ACER3: variants seen among roughly 807,000 people sequenced by gnomAD.
The protein encoded by ACER3 is alkaline ceramidase 3, also known as alkCDase 3.
A neutral mutation model predicts 48.9 loss-of-function variants in ACER3; 16 were observed. The observed-to-expected ratio is 0.33, with a 90% confidence interval of 0.22 to 0.50. The LOEUF (loss-of-function observed/expected upper bound fraction) is 0.50, where lower values mean the gene tolerates loss of function less well. Among genes scored for constraint, ACER3 ranks in the 20% least tolerant of loss-of-function variants. The pLI, the probability that ACER3 is intolerant of heterozygous loss-of-function variation, is 0.98. For synonymous variants in ACER3, 109 were observed against 107.8 expected (o/e 1.01, Z -0.07); for missense variants, 227 against 326.0 (o/e 0.70, Z 2.34).
chr11:76,894,812 G>A (rs1945889630), intron 1 of ACER3, among the ~76,000 whole-genome samples: 3 of 152,144 alleles, frequency 2.0e-5, no homozygotes, highest in African/African-American at 7.2e-5. Context: ...TATAACAAAA[G>A]AAGGAAGAGG....
chr11:77,020,476 G>C lies in ACER3; in HGVS notation c.*149G>C. ...TGACTAATGCTGCCACCCACACAGAGAATAAGGAGTAGGGCCTGCTGGGTG... is the reference window on the plus strand; with the variant it reads ...TGACTAATGCTGCCACCCACACAGACAATAAGGAGTAGGGCCTGCTGGGTG... On this transcript the variant is annotated 3_prime_UTR_variant, in exon 11 of 11. Transcript: ENST00000532485. 1.2e-6 allele frequency: 1 copy of C among 821,234 alleles called. No homozygotes were observed. The highest frequency in any genetic ancestry group is 2.8e-5 in the East Asian group (1 of 36,190). The allele number at this position is 821,234 out of a possible 1,614,324, so 50.9% of individuals were successfully genotyped here.
intron 5 of ACER3, among the ~76,000 whole-genome samples, chr11:76,989,756 A>G (rs1948760002): frequency 6.6e-6 from 1 of 152,224 alleles, no homozygotes; most frequent in African/African-American, 2.4e-5. Flanking sequence ...ACTTTGTCTT[A>G]CAAGTGATGA....
intron 3 of ACER3, among the ~76,000 whole-genome samples, chr11:76,969,111 A>G (rs1402879698): frequency 6.6e-6 from 1 of 152,084 alleles, no homozygotes; most frequent in Non-Finnish European, 1.5e-5. Context: ...AAAACAAACA[A>G]CTCCATCAAA....
At chr11:76,899,219 TCAG>T (rs1490742112) in intron 1 of ACER3, among the ~76,000 whole-genome samples, 1 of 152,204 alleles carries the variant, frequency 6.6e-6, no homozygotes, top group Admixed American at 6.5e-5. Flanking sequence ...CTGGTATGTG[TCAG>T]CCACCATACT....
intron 2 of ACER3, among the ~76,000 whole-genome samples, chr11:76,938,706 A>C (rs1947259446): frequency 6.6e-6 from 1 of 152,242 alleles, no homozygotes; most frequent in Non-Finnish European, 1.5e-5. Context: ...AGGCAAGGAA[A>C]AAACCCTGTG....
At chr11:76,937,507 A>G (rs1254553810) in intron 2 of ACER3, among the ~76,000 whole-genome samples, 4 of 152,252 alleles carry the variant, frequency 2.6e-5, no homozygotes, top group African/African-American at 7.2e-5. Flanking sequence ...CATCACAAGT[A>G]CTATGAAGAT....
intron 4 of ACER3, among the ~76,000 whole-genome samples, chr11:76,985,336 C>T (rs1948666076): frequency 6.6e-6 from 1 of 152,172 alleles, no homozygotes; most frequent in Admixed American, 6.5e-5. Context: ...ATCCTGCACT[C>T]AAGTGATCCT....
intron 1 of ACER3, among the ~76,000 whole-genome samples, chr11:76,861,899 C>T (rs1266042754): frequency 6.6e-6 from 1 of 152,312 alleles, no homozygotes; most frequent in African/African-American, 2.4e-5. Context: ...TTAGCGGCTG[C>T]TCTGTCAGGC....
Position 76,965,572 on chromosome 11 carries a change from C to T in ACER3, c.267+6541C>T, listed in dbSNP as rs545190991. Among the ~76,000 whole-genome samples, 2 of 151,442 alleles carry T rather than the reference C, an allele frequency of 1.3e-5. 1 individual carries two copies. Among genetic ancestry groups the T allele is most frequent in the African/African-American group, 4.9e-5 (2 of 40,746 alleles). On this transcript the variant is annotated intron_variant, in intron 3 of 10. Coordinates refer to ENST00000532485, the MANE Select transcript of ACER3 (RefSeq NM_018367.7). ...GCAGCCAGACAGAAAGGTAGGGTTA[C>T]CCACAAAGGGAAGCCCATCAGACTA...
Position 77,019,766 on chromosome 11 carries a change from CA to C in ACER3, c.744del (p.Val249Ter). 1 of 1,613,822 alleles carries C rather than the reference CA, an allele frequency of 6.2e-7. No individual in the cohort carries two copies. Among genetic ancestry groups the C allele is most frequent in the Non-Finnish European group, 8.5e-7 (1 of 1,179,884 alleles). On this transcript the variant is annotated frameshift_variant, in exon 10 of 11. Transcript: ENST00000532485. LOFTEE classifies it high-confidence loss of function. ...YTRTLYLRYR[P>X]KVKFLFGIWP... ...AGAACACTTTACCTGAGATATAGGC[CA>C]AAAGTGAAGGTAAGTCCACTTCCTA...
chr11:76,990,073 G>A (rs1489291077), intron 5 of ACER3, among the ~76,000 whole-genome samples: 2 of 152,146 alleles, frequency 1.3e-5, no homozygotes, highest in Non-Finnish European at 2.9e-5. Context: ...CACTATTATT[G>A]TTCATTATCC....
chr11:76,875,732 G>GT (rs71040037), intron 1 of ACER3, among the ~76,000 whole-genome samples: 2,185 of 66,998 alleles, frequency 0.033, 169 homozygotes, highest in East Asian at 0.052. Context: ...AGTTTTTGTT[G>GT]TTTTTTTTTT....
intron 1 of ACER3, among the ~76,000 whole-genome samples, chr11:76,907,096 T>A (rs1241091752): frequency 6.6e-6 from 1 of 152,176 alleles, no homozygotes; most frequent in East Asian, 1.9e-4. Flanking sequence ...TTTTACAGGA[T>A]TGGATCATCA....
At position 76,965,864 on chromosome 11, in the gene ACER3, G is replaced by A. The variant is rs1178383422; in HGVS notation, c.267+6833G>A. Among the ~76,000 whole-genome samples, 3 of 151,376 alleles carry A rather than the reference G, an allele frequency of 2.0e-5. No homozygotes were observed. In the East Asian group the frequency reaches 5.8e-4, roughly 29 times the overall value. On this transcript the variant is annotated intron_variant, in intron 3 of 10. Coordinates refer to ENST00000532485, the MANE Select transcript of ACER3 (RefSeq NM_018367.7). ...AGCCACTGCAAAAACATGCCAAATT[G>A]TAAAGACCATCAAGGCTAGGAAGAA...
At chr11:76,953,262 G>A (rs1482129345) in intron 2 of ACER3, among the ~76,000 whole-genome samples, 1 of 152,014 alleles carries the variant, frequency 6.6e-6, no homozygotes, top group Non-Finnish European at 1.5e-5. Flanking sequence ...CACACTGCAG[G>A]GAATGAAAAC....
At chr11:76,886,238 A>G (rs1017868408) in intron 1 of ACER3, among the ~76,000 whole-genome samples, 2 of 152,170 alleles carry the variant, frequency 1.3e-5, no homozygotes, top group South Asian at 4.1e-4. Flanking sequence ...TGTGGCTGGA[A>G]TAGACTTGGT....
chr11:76,887,111 T>A (rs1428789194), intron 1 of ACER3, among the ~76,000 whole-genome samples: 4 of 151,320 alleles, frequency 2.6e-5, no homozygotes, highest in African/African-American at 9.8e-5. Context: ...ACAAAAAAAA[T>A]ACAAAAATTA....
At chr11:76,868,562 C>G (rs1378579266) in intron 1 of ACER3, among the ~76,000 whole-genome samples, 2 of 152,018 alleles carry the variant, frequency 1.3e-5, no homozygotes, top group African/African-American at 4.8e-5. Context: ...CTTCCCCTGC[C>G]CTTCTTTCAC....
At chr11:76,898,488 CATGCTGCT>C (rs1487083028) in intron 1 of ACER3, among the ~76,000 whole-genome samples, 1 of 152,152 alleles carries the variant, frequency 6.6e-6, no homozygotes, top group East Asian at 1.9e-4. Context: ...ACTACAGGTG[CATGCTGCT>C]ATGCCCAACT....
Sources: allele counts gnomAD v4.1 joint callset (sites outside exome capture counted in the v4.1 genomes callset), GRCh38; gene constraint gnomAD v4.1.1; transcripts MANE v1.5; gene names NCBI Gene and HGNC (gene_info 2026-07-23, HGNC 2026-07-21).